AK7: variants seen among roughly 807,000 people sequenced by gnomAD.
The protein encoded by AK7 is ATP-AMP transphosphorylase 7.
In AK7, 78 loss-of-function variants were observed where a neutral mutation model predicts 96.6. That is an observed-to-expected ratio of 0.81 (90% CI 0.67 to 0.97). The LOEUF (loss-of-function observed/expected upper bound fraction) is 0.97. AK7 is among the 50% of genes least tolerant of loss of function. The probability of loss-of-function intolerance (pLI) is 0.00; values close to 1 mark genes in which losing one functional copy is unlikely to be tolerated. For synonymous variants in AK7, 302 were observed against 317.2 expected (o/e 0.95, Z 0.51); for missense variants, 855 against 887.9 (o/e 0.96, Z 0.47).
At chr14:96,487,554 G>C (rs1014879674) in intron 17 of AK7, among the ~76,000 whole-genome samples, 3 of 148,436 alleles carry the variant, frequency 2.0e-5, no homozygotes. Context: ...TCAGCCTCCT[G>C]AGTAGCTGTG....
Position 96,449,743 on chromosome 14 carries a change from T to C in AK7, c.871-59T>C, listed in dbSNP as rs371725518. 6.7e-5 allele frequency: 92 copies of C among 1,374,466 alleles called. 1 individual carries two copies. In the South Asian group the frequency reaches 9.6e-4, roughly 14 times the overall value. 85.1% of individuals were successfully genotyped at this position (1,374,466 alleles called of 1,614,324 possible). ...GCCACTGCGCCTGGCCCATTTGAGT[T>C]TTATATAAAGTAAAACCTTCCAGGT... On this transcript the variant is annotated intron_variant, in intron 8 of 17. Coordinates refer to ENST00000267584, the MANE Select transcript of AK7 (RefSeq NM_152327.5).
intron 15 of AK7, among the ~76,000 whole-genome samples, chr14:96,479,762 C>T (rs779522310): frequency 1.3e-5 from 2 of 152,182 alleles, no homozygotes; most frequent in East Asian, 1.9e-4. Flanking sequence ...TCTGGACCTT[C>T]GCACGTATTC....
At chr14:96,427,681 A>AT (rs1382480952) in intron 5 of AK7, among the ~76,000 whole-genome samples, 1 of 152,172 alleles carries the variant, frequency 6.6e-6, no homozygotes, top group African/African-American at 2.4e-5. Context: ...GAAGTTCTCC[A>AT]CTATTGTCCC....
At chr14:96,405,454 A>G (rs760203733) in intron 3 of AK7, among the ~76,000 whole-genome samples, 1 of 151,946 alleles carries the variant, frequency 6.6e-6, no homozygotes, top group Non-Finnish European at 1.5e-5. Context: ...AAAGCACTGG[A>G]GTTACAGGCG....
intron 12 of AK7, among the ~76,000 whole-genome samples, chr14:96,468,819 A>G (rs1345550077): frequency 6.6e-6 from 1 of 152,154 alleles, no homozygotes; most frequent in African/African-American, 2.4e-5. Flanking sequence ...GGCATTTGAA[A>G]GATACATTTA....
intron 5 of AK7, among the ~76,000 whole-genome samples, chr14:96,424,973 C>T (rs1226062358): frequency 6.6e-5 from 10 of 152,046 alleles, no homozygotes; most frequent in Non-Finnish European, 1.5e-4. Flanking sequence ...TATTACAAAA[C>T]CTTACACTTG....
At chr14:96,476,045 A>G (rs563801881) in intron 14 of AK7, among the ~76,000 whole-genome samples, 2 of 152,198 alleles carry the variant, frequency 1.3e-5, no homozygotes, top group Non-Finnish European at 2.9e-5. Flanking sequence ...AACACATTCC[A>G]ATCTATGGTA....
chr14:96,424,760 C>A (rs1891925414), intron 5 of AK7, among the ~76,000 whole-genome samples: 1 of 152,108 alleles, frequency 6.6e-6, no homozygotes, highest in Non-Finnish European at 1.5e-5. Context: ...AACTTCTGGG[C>A]TTAAAATAAG....
intron 5 of AK7, among the ~76,000 whole-genome samples, chr14:96,435,668 C>T (rs986921994): frequency 1.3e-5 from 2 of 152,170 alleles, no homozygotes; most frequent in African/African-American, 4.8e-5. Context: ...AGACACAGAG[C>T]GCTGTAGCCC....
chr14:96,442,665 T>C (rs1354989283), intron 6 of AK7, 65 bp from the exon 7 acceptor site: 25 of 1,229,750 alleles, frequency 2.0e-5, no homozygotes, highest in South Asian at 4.8e-5. Flanking sequence ...TGTAGACTTA[T>C]GTGTGAGCTG....
intron 5 of AK7, 89 bp from the exon 6 acceptor site, chr14:96,437,746 A>C: frequency 1.1e-6 from 1 of 927,764 alleles, no homozygotes; most frequent in Non-Finnish European, 1.6e-6. Context: ...GAAGTTCTGA[A>C]AGTGCTCATT....
At chr14:96,473,311 C>T (rs1219441833) in intron 14 of AK7, among the ~76,000 whole-genome samples, 2 of 151,668 alleles carry the variant, frequency 1.3e-5, no homozygotes, top group African/African-American at 2.4e-5. Context: ...GCTGGGACTA[C>T]AGGCGCCTAC....
intron 2 of AK7, among the ~76,000 whole-genome samples, chr14:96,400,424 C>T (rs1272984130): frequency 6.6e-6 from 1 of 152,126 alleles, no homozygotes; most frequent in African/African-American, 2.4e-5. Flanking sequence ...TGTTGGACCG[C>T]ATGTAATAGA....
intron 14 of AK7, among the ~76,000 whole-genome samples, chr14:96,474,829 G>A (rs977313244): frequency 6.6e-6 from 1 of 152,248 alleles, no homozygotes; most frequent in Admixed American, 6.5e-5. Flanking sequence ...GCAATTGGTC[G>A]TGCACAATTT....
In AK7 at chr14:96,488,338, C is replaced by T. The variant is rs1198519895; in HGVS notation, c.2167C>T (p.Gln723Ter). ...EYLFKNNPEA[Q>*] The stretch of plus-strand genomic sequence containing the variant: ...TCTCTTCAAGAACAATCCTGAAGCA[C>T]AGTGAAACTTGAAAGATCTGGTATT... Residue 723 changes from glutamine (Q) to a stop codon, truncating the protein, a stop_gained, in exon 18 of 18, where the codon CAG (glutamine) becomes TAG (stop). Coordinates refer to ENST00000267584, the MANE Select transcript of AK7 (RefSeq NM_152327.5). LOFTEE classifies it high-confidence loss of function. 1 of 1,611,512 alleles carries T rather than the reference C, an allele frequency of 6.2e-7. No individual in the cohort carries two copies. Among genetic ancestry groups the T allele is most frequent in the Admixed American group, 1.7e-5 (1 of 59,956 alleles).
Position 96,471,510 on chromosome 14 carries a change from A to G in AK7, c.1390A>G (p.Met464Val). ...QLDDQYIIRFMKEKLKSMPCR... is the reference protein window; with the variant it reads ...QLDDQYIIRFVKEKLKSMPCR... ...AGACGATCAATATATAATTAGATTT[A>G]TGAAAGAAAAGCTAAAATCAATGCC... The change falls in exon 13 of 18, where the codon ATG (methionine) becomes GTG (valine). Residue 464 changes from methionine (M) to valine (V), a missense_variant. Transcript: ENST00000267584. 2.0e-6 allele frequency: 3 copies of G among 1,525,600 alleles called. No individual in the cohort carries two copies. The highest frequency in any genetic ancestry group is 2.7e-6 in the Non-Finnish European group (3 of 1,110,120). The allele number at this position is 1,525,600 out of a possible 1,614,324, so 94.5% of individuals were successfully genotyped here.
chr14:96,419,509 A>G (rs1163158277), intron 4 of AK7, among the ~76,000 whole-genome samples: 1 of 151,930 alleles, frequency 6.6e-6, no homozygotes, highest in Admixed American at 6.6e-5. Context: ...GTGTGTGCCT[A>G]TATAGTCCCA....
chr14:96,421,766 C>T (rs964974550), intron 5 of AK7, among the ~76,000 whole-genome samples: 4 of 151,942 alleles, frequency 2.6e-5, no homozygotes, highest in Admixed American at 2.6e-4. Context: ...CCACCATGCT[C>T]GGCTAATTTT....
chr14:96,442,240 C>T (rs747069903), intron 6 of AK7, among the ~76,000 whole-genome samples: 9 of 152,162 alleles, frequency 5.9e-5, no homozygotes, highest in African/African-American at 9.7e-5. Context: ...GCTACTTATC[C>T]GCTAAGCATT....
Sources: allele counts gnomAD v4.1 joint callset (sites outside exome capture counted in the v4.1 genomes callset), GRCh38; gene constraint gnomAD v4.1.1; transcripts MANE v1.5; gene names NCBI Gene and HGNC (gene_info 2026-07-23, HGNC 2026-07-21).